Variants in SREBF2 observed in about 807,000 individuals in gnomAD.
SREBF2 encodes the protein sterol regulatory element binding transcription factor 2.
Under a neutral mutation model 113.1 loss-of-function variants are expected in SREBF2, and 55 were observed. That is an observed-to-expected ratio of 0.49 (90% CI 0.39 to 0.61). SREBF2 has a LOEUF of 0.61. Ranked by LOEUF, SREBF2 falls within the 20% of genes least tolerant of loss-of-function variation. The pLI, the probability that SREBF2 is intolerant of heterozygous loss-of-function variation, is 0.00. For synonymous variants in SREBF2, 593 were observed against 605.7 expected (o/e 0.98, Z 0.31); for missense variants, 1,349 against 1,487.4 (o/e 0.91, Z 1.53).
intron 1 of SREBF2, among the ~76,000 whole-genome samples, chr22:41,863,464 C>A (rs1159663989): frequency 6.6e-6 from 1 of 152,212 alleles, no homozygotes; most frequent in Non-Finnish European, 1.5e-5. Flanking sequence ...CTAAAAGGTT[C>A]AACAAATTCT....
intron 17 of SREBF2, chr22:41,904,420 A>G (rs962594043): frequency 5.3e-6 from 2 of 378,828 alleles, no homozygotes; most frequent in East Asian, 7.2e-5. Flanking sequence ...ACACCTCTAG[A>G]CTCTCTTCCT....
intron 10 of SREBF2, among the ~76,000 whole-genome samples, chr22:41,881,465 C>T (rs1289060688): frequency 6.6e-6 from 1 of 152,122 alleles, no homozygotes; most frequent in African/African-American, 2.4e-5. Context: ...AGTGGGTACC[C>T]GTTTGGAGGG....
rs191112283 is a variant in SREBF2 at position 41,852,520 on chromosome 22, G to A, written c.89-14311G>A. 4.8e-3 allele frequency among the ~76,000 whole-genome samples: 729 copies of A among 151,430 alleles called. 7 individuals are homozygous for A. Among genetic ancestry groups the A allele is most frequent in the African/African-American group, 0.015 (638 of 41,286 alleles). On this transcript the variant is annotated intron_variant, in intron 1 of 18. Transcript: ENST00000361204. ...CTTGTCACTCTTTTTTTATTTTTTT[G>A]TTTTTTCCTCTCCTGACTTTCATCT... is the stretch of plus-strand genomic sequence containing the variant.
At chr22:41,884,796 G>A in intron 10 of SREBF2, 46 bp from the exon 11 acceptor site, 6 of 1,612,566 alleles carry the variant, frequency 3.7e-6, no homozygotes, top group Non-Finnish European at 5.1e-6. Flanking sequence ...AAAAAGTTTG[G>A]TTTTGGGGCT....
intron 14 of SREBF2, 47 bp downstream of exon 14, chr22:41,897,208 T>C: frequency 7.4e-7 from 1 of 1,347,852 alleles, no homozygotes; most frequent in Non-Finnish European, 1.0e-6. Context: ...TCAGTTCAGG[T>C]CTTCACAGTG....
intron 18 of SREBF2, 60 bp downstream of exon 18, chr22:41,905,034 G>A (rs2146565349): frequency 6.2e-6 from 9 of 1,442,974 alleles, no homozygotes; most frequent in Non-Finnish European, 5.6e-6. Flanking sequence ...AGGAAGAGAG[G>A]AGAAGAGGGG....
intron 12 of SREBF2, among the ~76,000 whole-genome samples, chr22:41,894,001 CT>C (rs1569407559): frequency 6.6e-6 from 1 of 152,114 alleles, no homozygotes; most frequent in Non-Finnish European, 1.5e-5. Context: ...CTGTCCTTTT[CT>C]TTTTTAAATA....
intron 16 of SREBF2, among the ~76,000 whole-genome samples, chr22:41,902,739 C>G (rs772068511): frequency 1.8e-4 from 28 of 152,204 alleles, no homozygotes; most frequent in Non-Finnish European, 3.1e-4. Context: ...CTTGCTTTCT[C>G]ACCTGCAGAA....
Position 41,906,454 on chromosome 22 carries a change from C to T in SREBF2, c.*794C>T. ...GCCCAGGGGGCTGGGAGAAATGAAG[C>T]CACCCATGGGGACTGGGGACCAGGG... On this transcript the variant is annotated 3_prime_UTR_variant, in exon 19 of 19. Coordinates refer to ENST00000361204, the MANE Select transcript of SREBF2 (RefSeq NM_004599.4). 5.9e-6 allele frequency: 1 copy of T among 168,252 alleles called. No homozygotes were observed. The highest frequency in any genetic ancestry group is 1.3e-5 in the Non-Finnish European group (1 of 77,268). The allele number at this position is 168,252 out of a possible 1,614,324, so 10.4% of individuals were successfully genotyped here. A position where few individuals can be genotyped will look rare whatever the true frequency, so the allele number is the denominator to read the frequency against.
chr22:41,877,051 A>C (rs1163745065), intron 7 of SREBF2, among the ~76,000 whole-genome samples, 178 bp from the exon 8 acceptor site: 2 of 152,188 alleles, frequency 1.3e-5, no homozygotes, highest in Non-Finnish European at 2.9e-5. Flanking sequence ...TGAATGTGCC[A>C]ATGTTTGAGC....
At chr22:41,895,131 A>G (rs886699786) in intron 13 of SREBF2, among the ~76,000 whole-genome samples, 194 bp downstream of exon 13, 2 of 148,908 alleles carry the variant, frequency 1.3e-5, no homozygotes, top group Non-Finnish European at 3.0e-5. Context: ...TTCCTCCTAG[A>G]CCAAGTGCGT....
At position 41,893,158 on chromosome 22, in the gene SREBF2, GCA is replaced by G. The variant is rs1474364491; in HGVS notation, c.2253_2254del (p.His751GlnfsTer5). The G allele has an allele frequency of 6.2e-7, 1 of 1,614,112 alleles. No individual in the cohort carries two copies. The highest frequency in any genetic ancestry group is 1.7e-5 in the Admixed American group (1 of 60,022). The part of the protein sequence containing the change: ...SRAQSLCGPE[H>X]SAVPDSLRWL... ...GAGCCCAGAGCCTGTGTGGCCCCGA[GCA>G]CAGTGCTGTTCCTGACTCCCTGCGC... On this transcript the variant is annotated frameshift_variant, in exon 12 of 19. Coordinates refer to ENST00000361204, the MANE Select transcript of SREBF2 (RefSeq NM_004599.4). LOFTEE classifies it high-confidence loss of function.
intron 1 of SREBF2, among the ~76,000 whole-genome samples, chr22:41,835,403 C>T (rs376561780): frequency 2.0e-5 from 3 of 149,752 alleles, no homozygotes; most frequent in Non-Finnish European, 4.4e-5. Flanking sequence ...CTCCACCTCC[C>T]GAGTTCAGGC....
At chr22:41,845,058 G>A (rs2076864626) in intron 1 of SREBF2, among the ~76,000 whole-genome samples, 1 of 151,368 alleles carries the variant, frequency 6.6e-6, no homozygotes, top group Non-Finnish European at 1.5e-5. Context: ...GTAATCCCGA[G>A]TAGCTGGGAT....
At chr22:41,856,248 TGC>T (rs2076976773) in intron 1 of SREBF2, among the ~76,000 whole-genome samples, 3 of 152,164 alleles carry the variant, frequency 2.0e-5, no homozygotes, top group Non-Finnish European at 2.9e-5. Flanking sequence ...CACCTCAGCC[TGC>T]CGAGTAGCTG....
At position 41,878,074 on chromosome 22, in the gene SREBF2, C is replaced by T. The variant is rs766063361; in HGVS notation, c.1712C>T (p.Ser571Leu). Residue 571 changes from serine to leucine, a missense_variant, in exon 9 of 19, where the codon TCG becomes TTG. Ser to Leu is a moderately radical substitution (Grantham distance 145). Transcript: ENST00000361204. ...GTGATCCGGCCACACTCGCGCTCCT[C>T]GGTCACCTTCTGGAGGCACCGGAAA... ...EPVIRPHSRS[S>L]VTFWRHRKQA... 1.1e-5 allele frequency: 17 copies of T among 1,614,190 alleles called. No homozygotes were observed. Among genetic ancestry groups the T allele is most frequent in the Non-Finnish European group, 1.4e-5 (16 of 1,180,034 alleles).
At chr22:41,887,543 CATT>C (rs1049280655) in intron 11 of SREBF2, among the ~76,000 whole-genome samples, 1 of 152,110 alleles carries the variant, frequency 6.6e-6, no homozygotes, top group Non-Finnish European at 1.5e-5. Context: ...GTGTAAGAAT[CATT>C]ATGTTGTTAT....
At chr22:41,855,755 C>CTT (rs572611963) in intron 1 of SREBF2, among the ~76,000 whole-genome samples, 11 of 141,186 alleles carry the variant, frequency 7.8e-5, no homozygotes, top group African/African-American at 2.1e-4. Flanking sequence ...TGTAGTATAA[C>CTT]TTTTTTTTTT....
chr22:41,870,897 C>T lies in SREBF2; in HGVS notation c.729C>T (p.Val243=). 1 of 1,614,126 alleles carries T rather than the reference C, an allele frequency of 6.2e-7. No homozygotes were observed. The highest frequency in any genetic ancestry group is 1.3e-5 in the African/African-American group (1 of 75,024). ...APQVQQVPVL[V]QPQIIKTDSL... is the part of the protein sequence containing the mutation. ...CTTCCTTCTTCATCCAGGTCCTGGT[C>T]CAGCCTCAGATCATCAAGACAGATT... The change falls in exon 4 of 19, where the codon GTC becomes GTT. Residue 243 remains valine, a synonymous_variant. Transcript: ENST00000361204.
Sources: allele counts gnomAD v4.1 joint callset (sites outside exome capture counted in the v4.1 genomes callset), GRCh38; gene constraint gnomAD v4.1.1; transcripts MANE v1.5; gene names NCBI Gene and HGNC (gene_info 2026-07-23, HGNC 2026-07-21).